RELN: variants seen among roughly 807,000 people sequenced by gnomAD.
RELN encodes reelin.
In RELN, 108 loss-of-function variants were observed where a neutral mutation model predicts 427.6. The observed-to-expected ratio is 0.25, with a 90% CI of 0.22 to 0.30. The LOEUF (loss-of-function observed/expected upper bound fraction) is 0.30, where lower values mean the gene tolerates loss of function less well. Among genes scored for constraint, RELN ranks in the 10% least tolerant of loss-of-function variants. RELN has a pLI of 1.00. For missense variants in RELN, 3,715 were observed against 4,302.8 expected (o/e 0.86, Z 3.82); for synonymous variants, 1,524 against 1,513.4 (o/e 1.01, Z -0.16).
At chr7:103,705,167 T>C (rs1834173291) in intron 8 of RELN, among the ~76,000 whole-genome samples, 2 of 152,194 alleles carry the variant, frequency 1.3e-5, no homozygotes, top group South Asian at 4.1e-4. Context: ...TTATAATATA[T>C]GTATACATTC....
chr7:103,631,745 T>C (rs961499923), intron 19 of RELN, among the ~76,000 whole-genome samples: 2 of 152,158 alleles, frequency 1.3e-5, no homozygotes, highest in African/African-American at 4.8e-5. Flanking sequence ...CAATTTTAAT[T>C]TTTCAAATCT....
At position 103,519,586 on chromosome 7, in the gene RELN, A is replaced by ATTTT. The variant is rs35127886; in HGVS notation, c.7669-74_7669-71dup. ...ATTGCAGATTATAGATTTTCTATGG[A>ATTTT]TTTTTTTTTTTTTTGAGACAGGGTC... On this transcript the variant is annotated intron_variant, in intron 48 of 64. Transcript: ENST00000428762. 15 of 988,776 alleles carry ATTTT rather than the reference A, an allele frequency of 1.5e-5. No individual in the cohort carries two copies. The African/African-American group carries it at 1.8e-4, about 12-fold the overall frequency. 61.3% of individuals were successfully genotyped at this position (988,776 alleles called of 1,614,324 possible).
intron 3 of RELN, among the ~76,000 whole-genome samples, chr7:103,791,057 T>C (rs1377774422): frequency 6.6e-6 from 1 of 152,054 alleles, no homozygotes; most frequent in Non-Finnish European, 1.5e-5. Flanking sequence ...AGTCATAAAC[T>C]TGCAGAAGAA....
rs546536915 is a variant in RELN at position 103,695,296 on chromosome 7, T to C, written c.1143+2557A>G. On this transcript the variant is annotated intron_variant, in intron 10 of 64. Transcript: ENST00000428762. Reference sequence around the variant, plus strand: ...TAAAATGACAAATTCTTAGATATTATGAATGCATTTATTTGAAGTTTTAAG... The same window carrying C: ...TAAAATGACAAATTCTTAGATATTACGAATGCATTTATTTGAAGTTTTAAG... Among the ~76,000 whole-genome samples, 5 of 152,300 alleles carry C rather than the reference T, an allele frequency of 3.3e-5. No individual in the cohort carries two copies. The South Asian group carries it at 6.2e-4, about 19-fold the overall frequency.
At chr7:103,701,919 G>A (rs534966949) in intron 8 of RELN, among the ~76,000 whole-genome samples, 5 of 152,260 alleles carry the variant, frequency 3.3e-5, no homozygotes, top group Admixed American at 1.3e-4. Flanking sequence ...ACAATTTTAC[G>A]TTTGTAGTGC....
rs772766583 is a variant in RELN at position 103,551,246 on chromosome 7, C to A, written c.6123G>T (p.Leu2041=). ...TCGCCCCGAAGTCCCTTGAAAATTC[C>A]AGTCTCACTGGATCCGCGGATGAGC... ...TDSSSADPVR[L]EFSRDFGATW... is the part of the protein sequence containing the mutation. Residue 2041 remains leucine, a synonymous_variant, in exon 41 of 65, where the codon CTG becomes CTT. Transcript: ENST00000428762. The A allele has an allele frequency of 6.8e-6, 11 of 1,614,040 alleles. No individual in the cohort carries two copies. The Admixed American group carries it at 1.8e-4, about 27-fold the overall frequency.
In RELN at chr7:103,877,147, T is replaced by G. The variant is rs375407003; in HGVS notation, c.337+39928A>C. ...ATAAATATTGGTACACCTCAGAATT[T>G]AACACACACCTCACCTCTCTTCTCC... On this transcript the variant is annotated intron_variant, in intron 2 of 64. Coordinates refer to ENST00000428762, the MANE Select transcript of RELN (RefSeq NM_005045.4). Among the ~76,000 whole-genome samples, 16 of 152,106 alleles carry G rather than the reference T, an allele frequency of 1.1e-4. No homozygotes were observed. In the East Asian group the frequency reaches 1.5e-3, roughly 15 times the overall value.
chr7:103,521,013 A>G, intron 48 of RELN, among the ~76,000 whole-genome samples: 1 of 113,768 alleles, frequency 8.8e-6, no homozygotes, highest in East Asian at 2.9e-4. Context: ...TCTGTCGCCC[A>G]GGCGGGACTG....
intron 6 of RELN, among the ~76,000 whole-genome samples, chr7:103,741,199 C>T (rs187619718): frequency 1.3e-5 from 2 of 151,970 alleles, no homozygotes; most frequent in African/African-American, 4.8e-5. Context: ...CAAACTGGGG[C>T]TTTGTTAGTT....
chr7:103,857,563 C>T (rs1431634227), intron 2 of RELN, among the ~76,000 whole-genome samples: 4 of 152,218 alleles, frequency 2.6e-5, no homozygotes, highest in Non-Finnish European at 4.4e-5. Context: ...GCTGCGAATT[C>T]ACCTTCTAAT....
intron 6 of RELN, 133 bp from the exon 7 acceptor site, chr7:103,728,340 T>C: frequency 3.6e-6 from 3 of 834,812 alleles, no homozygotes; most frequent in Non-Finnish European, 5.9e-6. Context: ...AGGAGTATTT[T>C]GCATCATGAT....
intron 1 of RELN, among the ~76,000 whole-genome samples, chr7:103,927,492 A>T (rs1795771336): frequency 6.6e-6 from 1 of 152,226 alleles, no homozygotes; most frequent in African/African-American, 2.4e-5. Context: ...TTTTCAGATT[A>T]AAATAATTAC....
chr7:103,676,025 A>G (rs1833513274), intron 11 of RELN, among the ~76,000 whole-genome samples: 1 of 152,212 alleles, frequency 6.6e-6, no homozygotes, highest in African/African-American at 2.4e-5. Context: ...AACAAAAGCC[A>G]AAATTGACAA....
chr7:103,884,382 C>T (rs553835096), intron 2 of RELN, among the ~76,000 whole-genome samples: 4 of 152,254 alleles, frequency 2.6e-5, no homozygotes, highest in African/African-American at 4.8e-5. Flanking sequence ...GCAAAGACTT[C>T]GTGTCTAAAA....
At chr7:103,644,892 T>C (rs1832767389) in intron 16 of RELN, among the ~76,000 whole-genome samples, 1 of 151,708 alleles carries the variant, frequency 6.6e-6, no homozygotes. Context: ...AATATCTAAT[T>C]ATCTGTAAAG....
chr7:103,815,722 T>C (rs1351090341), intron 3 of RELN, among the ~76,000 whole-genome samples: 1 of 151,976 alleles, frequency 6.6e-6, no homozygotes, highest in Non-Finnish European at 1.5e-5. Flanking sequence ...CCCCAAAGAC[T>C]TTCTAAAATT....
Position 103,596,439 on chromosome 7 carries a change from A to C in RELN, c.3539+17T>G. 6.2e-7 allele frequency: 1 copy of C among 1,602,046 alleles called. No homozygotes were observed. ...ATTCCTGGAAACTAATGCGAGGACCATCAGGTGGGTAGTTACCTGGGTTTG... is the reference window on the plus strand; with the variant it reads ...ATTCCTGGAAACTAATGCGAGGACCCTCAGGTGGGTAGTTACCTGGGTTTG... On this transcript the variant is annotated intron_variant, in intron 25 of 64. Coordinates refer to ENST00000428762, the MANE Select transcript of RELN (RefSeq NM_005045.4).
Position 103,824,061 on chromosome 7 carries a change from C to T in RELN, c.473+9476G>A, listed in dbSNP as rs995877937. On this transcript the variant is annotated intron_variant, in intron 3 of 64. Transcript: ENST00000428762. This position sits in a 1 kb window ranked among gnomAD's most constrained non-coding sequence, Gnocchi z 4.4. Reference sequence around the variant, plus strand: ...TAATCTGTCTTTTCTATTTTGTCACCTTTGATGTTTTCTGTCGTTGATATA... The same window carrying T: ...TAATCTGTCTTTTCTATTTTGTCACTTTTGATGTTTTCTGTCGTTGATATA... Among the ~76,000 whole-genome samples the T allele has an allele frequency of 2.0e-5, 3 of 151,988 alleles. No individual in the cohort carries two copies. Among genetic ancestry groups the T allele is most frequent in the Non-Finnish European group, 2.9e-5 (2 of 67,978 alleles).
At chr7:103,838,212 A>C (rs1584283967) in intron 2 of RELN, among the ~76,000 whole-genome samples, 4 of 61,822 alleles carry the variant, frequency 6.5e-5, no homozygotes, top group East Asian at 6.1e-4. Context: ...TCGTCTCAAA[A>C]AAAAAAAAAA....
Sources: allele counts gnomAD v4.1 joint callset (sites outside exome capture counted in the v4.1 genomes callset), GRCh38; gene constraint gnomAD v4.1.1; non-coding constraint Gnocchi (gnomAD v3.1); transcripts MANE v1.5; gene names NCBI Gene and HGNC (gene_info 2026-07-23, HGNC 2026-07-21).